The following IL27 variants were observed in gnomAD, a reference collection of about 807,000 sequenced individuals.
IL27 encodes interleukin 27.
In IL27, 11 loss-of-function variants were observed where a neutral mutation model predicts 27.0. That is an observed-to-expected ratio of 0.41 (90% confidence interval 0.26 to 0.67). The LOEUF (loss-of-function observed/expected upper bound fraction) is 0.67, where lower values mean the gene tolerates loss of function less well. Ranked by LOEUF, IL27 falls within the 30% of genes least tolerant of loss-of-function variation. The pLI is 0.34. For missense variants in IL27, 299 were observed against 310.4 expected (o/e 0.96, Z 0.28); for synonymous variants, 134 against 140.6 (o/e 0.95, Z 0.33).
chr16:28,500,082 C>T (rs1185384130), intron 4 of IL27, among the ~76,000 whole-genome samples, 162 bp from the exon 5 acceptor site: 1 of 152,298 alleles, frequency 6.6e-6, no homozygotes, highest in Non-Finnish European at 1.5e-5. Context: ...CACCTGCTAA[C>T]GCGTCTCACC....
intron 4 of IL27, among the ~76,000 whole-genome samples, chr16:28,500,799 C>T (rs1206728175): frequency 6.6e-6 from 1 of 152,118 alleles, no homozygotes; most frequent in Admixed American, 6.5e-5. Context: ...GGGGCAGCAC[C>T]AGGGCCTGGT....
chr16:28,499,903 G>A lies in IL27; in HGVS notation c.480C>T (p.Phe160=), dbSNP rs2046421118. Residue 160 remains phenylalanine, a synonymous_variant, in exon 5 of 5, where the codon TTC becomes TTT. Transcript: ENST00000356897. ...CCTCCTCCTCCTCCTCCGGGAGGTT[G>A]AATCCTGCAGCCAGCACCTGTGAGG... ...HLRFQVLAAG[F]NLPEEEEEEE... 2 of 1,549,434 alleles carry A rather than the reference G, an allele frequency of 1.3e-6. No individual in the cohort carries two copies. Among genetic ancestry groups the A allele is most frequent in the African/African-American group, 1.4e-5 (1 of 72,976 alleles).
chr16:28,502,056 G>A lies in IL27; in HGVS notation c.382C>T (p.Arg128Cys), dbSNP rs748839119. The change falls in exon 4 of 5, where the codon CGC becomes TGC. Residue 128 changes from arginine to cysteine, a missense_variant. Physicochemically the swap from Arg to Cys is radical, Grantham distance 180. Coordinates refer to ENST00000356897, the MANE Select transcript of IL27 (RefSeq NM_145659.3). Reference sequence around the variant, plus strand: ...TGCATCCTCTCCATGTTGGTCCAGCGGCCCTGGGTCCCCAGCCCTCCCAGC... The same window carrying A: ...TGCATCCTCTCCATGTTGGTCCAGCAGCCCTGGGTCCCCAGCCCTCCCAGC... ...ALLGGLGTQGRWTNMERMQLW... is the reference protein window; with the variant it reads ...ALLGGLGTQGCWTNMERMQLW... 30 of 1,613,560 alleles carry A rather than the reference G, an allele frequency of 1.9e-5. No homozygotes were observed. The highest frequency in any genetic ancestry group is 3.3e-5 in the South Asian group (3 of 91,086).
At position 28,499,602 on chromosome 16, in the gene IL27, A is replaced by T. The variant is rs1310275024; in HGVS notation, c.*49T>A. 6.8e-7 allele frequency: 1 copy of T among 1,474,356 alleles called. No homozygotes were observed. Among genetic ancestry groups the T allele is most frequent in the Admixed American group, 2.0e-5 (1 of 50,772 alleles). The allele number at this position is 1,474,356 out of a possible 1,614,324, so 91.3% of individuals were successfully genotyped here. A position where few individuals can be genotyped will look rare whatever the true frequency, so the allele number is the denominator to read the frequency against. On this transcript the variant is annotated 3_prime_UTR_variant, in exon 5 of 5. Transcript: ENST00000356897. ...AAGGCTGCCCTGATGCCAAGACTCC[A>T]GTCCTAAAGTTCTAAAGGGTGGGGG... is the stretch of plus-strand genomic sequence containing the variant.
At chr16:28,500,025 A>C (rs2046421937) in intron 4 of IL27, 105 bp from the exon 5 acceptor site, 1 of 1,379,270 alleles carries the variant, frequency 7.3e-7, no homozygotes. Context: ...CAGTGACCAC[A>C]AGGTCATGAT....
intron 1 of IL27, among the ~76,000 whole-genome samples, chr16:28,504,510 C>T (rs1457626952): frequency 1.3e-5 from 2 of 151,860 alleles, no homozygotes; most frequent in Non-Finnish European, 2.9e-5. Flanking sequence ...CAAAACCCCA[C>T]GATGCAGCCA....
chr16:28,506,362 T>C (rs1268803058), intron 1 of IL27, among the ~76,000 whole-genome samples: 1 of 152,192 alleles, frequency 6.6e-6, no homozygotes. Flanking sequence ...TTTGACCCAG[T>C]GAGGCTGCTG....
intron 4 of IL27, 51 bp downstream of exon 4, chr16:28,501,925 G>A (rs370069025): frequency 1.1e-4 from 179 of 1,569,600 alleles, no homozygotes; most frequent in Middle Eastern, 4.6e-4. Context: ...ATGAGCCAGC[G>A]AGTCTTCTTT....
intron 4 of IL27, among the ~76,000 whole-genome samples, chr16:28,500,787 G>C (rs1179311946): frequency 6.6e-6 from 1 of 152,022 alleles, no homozygotes; most frequent in Non-Finnish European, 1.5e-5. Flanking sequence ...TGTGAAGATT[G>C]AGGGGCAGCA....
intron 4 of IL27, 50 bp downstream of exon 4, chr16:28,501,924 CGA>C (rs2046434193): frequency 6.4e-7 from 1 of 1,567,138 alleles, no homozygotes; most frequent in Admixed American, 1.7e-5. Flanking sequence ...AATGAGCCAG[CGA>C]GTCTTCTTTC....
At chr16:28,505,318 T>C (rs1780932191) in intron 1 of IL27, among the ~76,000 whole-genome samples, 1 of 149,586 alleles carries the variant, frequency 6.7e-6, no homozygotes, top group African/African-American at 2.5e-5. Flanking sequence ...GTAACCTGCC[T>C]GGGGCGAATC....
At chr16:28,506,181 G>A (rs1425686712) in intron 1 of IL27, among the ~76,000 whole-genome samples, 1 of 152,058 alleles carries the variant, frequency 6.6e-6, no homozygotes, top group African/African-American at 2.4e-5. Context: ...GCTGATCCTG[G>A]GTCATTGGCT....
Position 28,499,428 on chromosome 16 carries a change from A to G in IL27, c.*223T>C. On this transcript the variant is annotated 3_prime_UTR_variant, in exon 5 of 5. Coordinates refer to ENST00000356897, the MANE Select transcript of IL27 (RefSeq NM_145659.3). ...GCCCGAGGAGGACCATCGGGCCCCA[A>G]GACAATAAATAAACCATCATCTCCC... 1 of 527,492 alleles carries G rather than the reference A, an allele frequency of 1.9e-6. No individual in the cohort carries two copies. Among genetic ancestry groups the G allele is most frequent in the Non-Finnish European group, 3.4e-6 (1 of 294,862 alleles). The allele number at this position is 527,492 out of a possible 1,614,324, so 32.7% of individuals were successfully genotyped here.
In IL27 at chr16:28,499,447, A is replaced by G. The variant is rs1471826030; in HGVS notation, c.*204T>C. 5 of 551,496 alleles carry G rather than the reference A, an allele frequency of 9.1e-6. No homozygotes were observed. Among genetic ancestry groups the G allele is most frequent in the Non-Finnish European group, 1.6e-5 (5 of 308,944 alleles). The allele number at this position is 551,496 out of a possible 1,614,324, so 34.2% of individuals were successfully genotyped here. On this transcript the variant is annotated 3_prime_UTR_variant, in exon 5 of 5. Transcript: ENST00000356897. The stretch of plus-strand genomic sequence containing the variant: ...GCCCCAAGACAATAAATAAACCATC[A>G]TCTCCCTAAACAATAAATAAATATC...
At chr16:28,500,497 A>G (rs2046424080) in intron 4 of IL27, among the ~76,000 whole-genome samples, 1 of 151,330 alleles carries the variant, frequency 6.6e-6, no homozygotes, top group Non-Finnish European at 1.5e-5. Context: ...CTGGTCTCGA[A>G]CTCCTGACCT....
rs2046448623 is a variant in IL27, at chr16:28,504,068, G to A, written c.32-18C>T. 4 of 1,573,674 alleles carry A rather than the reference G, an allele frequency of 2.5e-6. No individual in the cohort carries two copies. The highest frequency in any genetic ancestry group is 3.5e-6 in the Non-Finnish European group (4 of 1,158,988). On this transcript the variant is annotated intron_variant, in intron 1 of 4. Transcript: ENST00000356897. ...GCTGAGCCCTGGAGAGATGGGAAGA[G>A]GGTGGCAAGACAGGGAGAGAGCTTG...
intron 1 of IL27, among the ~76,000 whole-genome samples, chr16:28,504,743 CCTAA>C (rs992439672): frequency 2.2e-4 from 33 of 152,210 alleles, no homozygotes; most frequent in East Asian, 5.8e-4. Flanking sequence ...CACCACTGTG[CCTAA>C]CTGTTTCTAT....
Position 28,499,815 on chromosome 16 carries a change from GTA to G in IL27, c.566_567del (p.Leu189SerfsTer124). ...GGCCAGGACACCTGGGCCGGGCCCT[GTA>G]AGGCGCTGCCCAGTGCCCCTGGGAG... ...GLLPGALGSALQGPAQVSWPQ... is the reference protein window; with the variant it reads ...GLLPGALGSAXQGPAQVSWPQ... On this transcript the variant is annotated frameshift_variant, in exon 5 of 5. Coordinates refer to ENST00000356897, the MANE Select transcript of IL27 (RefSeq NM_145659.3). LOFTEE classifies it high-confidence loss of function. The G allele has an allele frequency of 6.3e-7, 1 of 1,594,788 alleles. No homozygotes were observed. The highest frequency in any genetic ancestry group is 2.3e-5 in the East Asian group (1 of 43,760).
Position 28,504,186 on chromosome 16 carries a change from C to G in IL27, c.32-136G>C, listed in dbSNP as rs2046449108. On this transcript the variant is annotated intron_variant, in intron 1 of 4. Coordinates refer to ENST00000356897, the MANE Select transcript of IL27 (RefSeq NM_145659.3). ...GCATCATTCCTCTGCCTCCTCAAAA[C>G]CACAATGGAGGCTGGGTGCGGTGAC... is the stretch of plus-strand genomic sequence containing the variant. 4.5e-6 allele frequency: 4 copies of G among 892,080 alleles called. No individual in the cohort carries two copies. In the South Asian group the frequency reaches 7.4e-5, roughly 17 times the overall value. The allele number at this position is 892,080 out of a possible 1,614,324, so 55.3% of individuals were successfully genotyped here.
Sources: allele counts gnomAD v4.1 joint callset (sites outside exome capture counted in the v4.1 genomes callset), GRCh38; gene constraint gnomAD v4.1.1; transcripts MANE v1.5; gene names NCBI Gene and HGNC (gene_info 2026-07-23, HGNC 2026-07-21).